DHX34: variants seen among roughly 807,000 people sequenced by gnomAD.
DHX34 encodes DExH-box helicase 34, also known as probable ATP-dependent RNA helicase DHX34.
DHX34 carries 96 observed loss-of-function variants against 111.1 expected under a neutral mutation model. The observed-to-expected ratio is 0.86, with a 90% CI of 0.73 to 1.02. The LOEUF is 1.02. Among genes scored for constraint, DHX34 ranks in the 50% least tolerant of loss-of-function variants. The probability of loss-of-function intolerance (pLI) is 0.00; values close to 1 mark genes in which losing one functional copy is unlikely to be tolerated. For synonymous variants in DHX34, 688 were observed against 670.4 expected, an observed-to-expected ratio of 1.03 and a Z score of -0.41; for missense variants, 1,560 against 1,579.9, an observed-to-expected ratio of 0.99 and a Z score of 0.21.
rs144874249 is a variant in DHX34 at position 47,376,732 on chromosome 19, C to T, written c.2599+172C>T. ...GGCCTCCCTGGGTAGCCTTGGGTGA[C>T]TCACCCCTGCTGGGCCTCACCTTCC... is the stretch of plus-strand genomic sequence containing the variant. On this transcript the variant is annotated intron_variant, in intron 12 of 16. Transcript: ENST00000328771. 2,593 of 1,421,922 alleles carry T rather than the reference C, an allele frequency of 1.8e-3. 6 individuals carry two copies. The highest frequency in any genetic ancestry group is 2.3e-3 in the Non-Finnish European group (2,422 of 1,070,272). 88.1% of individuals were successfully genotyped at this position (1,421,922 alleles called of 1,614,324 possible).
At position 47,353,880 on chromosome 19, in the gene DHX34, C is replaced by A; in HGVS notation, c.705+145C>A. The A allele has an allele frequency of 1.2e-6, 1 of 822,364 alleles. No individual in the cohort carries two copies. The highest frequency in any genetic ancestry group is 1.8e-6 in the Non-Finnish European group (1 of 544,572). The allele number at this position is 822,364 out of a possible 1,614,324, so 50.9% of individuals were successfully genotyped here. ...TTCTAGAACTTTATCCACAGAGTGGCTTGTCTGTGGTCTACATGACAAAGG... is the reference window on the plus strand; with the variant it reads ...TTCTAGAACTTTATCCACAGAGTGGATTGTCTGTGGTCTACATGACAAAGG... On this transcript the variant is annotated intron_variant, in intron 2 of 16. Coordinates refer to ENST00000328771, the MANE Select transcript of DHX34 (RefSeq NM_014681.6). The surrounding 1 kb of genome is among the most constrained non-coding windows in gnomAD (Gnocchi z 4.6).
intron 1 of DHX34, among the ~76,000 whole-genome samples, chr19:47,352,151 C>G (rs962197849): frequency 6.6e-6 from 1 of 152,192 alleles, no homozygotes. Context: ...CCCCTCCTCC[C>G]AGGATCCTTC....
At chr19:47,379,266 CCTGCCCTTTCCT>C (rs1970272232) in intron 13 of DHX34, among the ~76,000 whole-genome samples, 1 of 152,194 alleles carries the variant, frequency 6.6e-6, no homozygotes. Flanking sequence ...CATGGCCAGT[CCTGCCCTTTCCT>C]CTGCCCTGGC....
At chr19:47,368,891 G>A (rs781070494) in intron 7 of DHX34, among the ~76,000 whole-genome samples, 3 of 150,898 alleles carry the variant, frequency 2.0e-5, no homozygotes, top group Non-Finnish European at 3.0e-5. Context: ...TTTTTGTTTT[G>A]TTTTGTTTTG....
chr19:47,380,693 G>T (rs561028749), intron 14 of DHX34, 123 bp from the exon 15 acceptor site: 3 of 1,501,588 alleles, frequency 2.0e-6, no homozygotes, highest in African/African-American at 1.4e-5. Flanking sequence ...TGTGATTGGT[G>T]TAAGCACTTG....
intron 1 of DHX34, among the ~76,000 whole-genome samples, chr19:47,350,025 C>T (rs113014422): frequency 2.7e-3 from 413 of 152,138 alleles, no homozygotes; most frequent in African/African-American, 9.7e-3. Flanking sequence ...ATCATAGTGC[C>T]TGACAGTCGT....
chr19:47,357,940 G>T lies in DHX34; in HGVS notation c.1092G>T (p.Arg364Ser), dbSNP rs761725648. Residue 364 changes from arginine (R) to serine (S), a missense_variant, in exon 4 of 17, where the codon AGG becomes AGT. Coordinates refer to ENST00000328771, the MANE Select transcript of DHX34 (RefSeq NM_014681.6). ...AGCTGGACCCGCGGCCTTTCCTGAG[G>T]GTGCTGGAGTCCATTGACCACAAGT... ...SEKLDPRPFL[R>S]VLESIDHKYP... 13 of 1,614,028 alleles carry T rather than the reference G, an allele frequency of 8.1e-6. No individual in the cohort carries two copies. In the Admixed American group the frequency reaches 1.8e-4, roughly 23 times the overall value.
rs755376692 is a variant in DHX34 at position 47,381,008 on chromosome 19, C to T, written c.3159+16C>T. On this transcript the variant is annotated intron_variant, in intron 15 of 16. Coordinates refer to ENST00000328771, the MANE Select transcript of DHX34 (RefSeq NM_014681.6). The stretch of plus-strand genomic sequence containing the variant: ...CTGCCTCACGGTAAGCATGAACCCT[C>T]CTTCCCTGAAGGTGGGATTTCAGGA... The T allele has an allele frequency of 4.5e-6, 7 of 1,551,174 alleles. No individual in the cohort carries two copies. The South Asian group carries it at 7.3e-5, about 16-fold the overall frequency.
At chr19:47,372,975 CCTT>C in intron 8 of DHX34, 52 bp downstream of exon 8, 3 of 1,516,566 alleles carry the variant, frequency 2.0e-6, no homozygotes, top group Non-Finnish European at 2.6e-6. Context: ...AGGGCCAAGG[CCTT>C]CTGTGGCTGT....
At chr19:47,356,434 A>C (rs971002658) in intron 3 of DHX34, among the ~76,000 whole-genome samples, 6 of 152,014 alleles carry the variant, frequency 3.9e-5, no homozygotes, top group African/African-American at 7.2e-5. Context: ...GCCCAAGACC[A>C]TCCTGGCCAA....
Position 47,355,365 on chromosome 19 carries a change from C to T in DHX34, c.1017+15C>T, listed in dbSNP as rs372334511. 3 of 1,605,578 alleles carry T rather than the reference C, an allele frequency of 1.9e-6. No homozygotes were observed. In the South Asian group the frequency reaches 3.3e-5, roughly 18 times the overall value. ...TCCCCATCACGGTGAGTACTTCCCCCTCCTCCCACATCCCCAGACCTCCAA... is the reference window on the plus strand; with the variant it reads ...TCCCCATCACGGTGAGTACTTCCCCTTCCTCCCACATCCCCAGACCTCCAA... On this transcript the variant is annotated intron_variant, in intron 3 of 16. Transcript: ENST00000328771.
chr19:47,364,356 C>T (rs1347129398), intron 6 of DHX34, among the ~76,000 whole-genome samples: 1 of 152,126 alleles, frequency 6.6e-6, no homozygotes, highest in Non-Finnish European at 1.5e-5. Flanking sequence ...GCCACAGGCT[C>T]ACGTGCGGGT....
At chr19:47,354,924 G>A (rs1427418350) in intron 2 of DHX34, 115 bp from the exon 3 acceptor site, 2 of 1,519,368 alleles carry the variant, frequency 1.3e-6, no homozygotes, top group East Asian at 2.3e-5. Context: ...AAAGTGCTGG[G>A]ATTACAGGCG....
chr19:47,376,769 A>G lies in DHX34; in HGVS notation c.2599+209A>G, dbSNP rs1970176474. On this transcript the variant is annotated intron_variant, in intron 12 of 16. Coordinates refer to ENST00000328771, the MANE Select transcript of DHX34 (RefSeq NM_014681.6). ...GGGCCTCACCTTCCGCATGGTGGTGATAGTCAACCTAAGCCAGTGTGGCTG... is the reference window on the plus strand; with the variant it reads ...GGGCCTCACCTTCCGCATGGTGGTGGTAGTCAACCTAAGCCAGTGTGGCTG... The G allele has an allele frequency of 4.8e-6, 7 of 1,462,108 alleles. No individual in the cohort carries two copies. The South Asian group carries it at 9.4e-5, about 20-fold the overall frequency. 90.6% of individuals were successfully genotyped at this position (1,462,108 alleles called of 1,614,324 possible).
At chr19:47,375,844 C>T in intron 10 of DHX34, 80 bp from the exon 11 acceptor site, 1 of 1,541,706 alleles carries the variant, frequency 6.5e-7, no homozygotes, top group Non-Finnish European at 8.7e-7. Flanking sequence ...TCCCAGGTAT[C>T]TGCAGAGCCT....
At chr19:47,366,915 A>G (rs1599763650) in intron 6 of DHX34, 66 bp from the exon 7 acceptor site, 1 of 1,426,430 alleles carries the variant, frequency 7.0e-7, no homozygotes, top group Non-Finnish European at 9.2e-7. Flanking sequence ...GTGATCTCTG[A>G]GCCCCGCTGT....
intron 6 of DHX34, among the ~76,000 whole-genome samples, chr19:47,364,245 C>T (rs77727518): frequency 0.016 from 2,464 of 152,192 alleles, 33 homozygotes; most frequent in Non-Finnish European, 0.026. Flanking sequence ...GGTCAGTCCT[C>T]AGTCTCGTGG....
chr19:47,363,580 G>C (rs1345358272), intron 6 of DHX34, among the ~76,000 whole-genome samples: 4 of 152,126 alleles, frequency 2.6e-5, no homozygotes, highest in East Asian at 3.9e-4. Context: ...CACTTTGGGA[G>C]GCCAAGGCAG....
At chr19:47,374,835 C>T (rs1423196748) in intron 9 of DHX34, among the ~76,000 whole-genome samples, 1 of 152,192 alleles carries the variant, frequency 6.6e-6, no homozygotes, top group African/African-American at 2.4e-5. Context: ...CCCACATGCA[C>T]ACATACAGAC....
Sources: allele counts gnomAD v4.1 joint callset (sites outside exome capture counted in the v4.1 genomes callset), GRCh38; gene constraint gnomAD v4.1.1; non-coding constraint Gnocchi (gnomAD v3.1); transcripts MANE v1.5; gene names NCBI Gene and HGNC (gene_info 2026-07-23, HGNC 2026-07-21).